The following GARRE1 variants were observed in gnomAD, a reference collection of about 807,000 sequenced individuals.
GARRE1 encodes granule associated Rac and RHOG effector 1, also known as granule associated Rac and RHOG effector protein 1.
GARRE1 carries 49 observed loss-of-function variants against 103.2 expected under a neutral mutation model. The ratio of observed to expected loss-of-function variants is 0.47; its 90% CI spans 0.38 to 0.60. The LOEUF (loss-of-function observed/expected upper bound fraction) is 0.60, where lower values mean the gene tolerates loss of function less well. Among genes scored for constraint, GARRE1 ranks in the 20% least tolerant of loss-of-function variants. The probability of loss-of-function intolerance (pLI) is 0.00; values close to 1 mark genes in which losing one functional copy is unlikely to be tolerated. For synonymous variants in GARRE1, 505 were observed against 532.8 expected, an observed-to-expected ratio of 0.95 and a Z score of 0.72; for missense variants, 1,199 against 1,370.5, an observed-to-expected ratio of 0.87 and a Z score of 1.98.
At chr19:34,298,477 C>T (rs943369687) in intron 1 of GARRE1, among the ~76,000 whole-genome samples, 2 of 151,050 alleles carry the variant, frequency 1.3e-5, no homozygotes, top group Non-Finnish European at 2.9e-5. Context: ...CTTTGGGAGG[C>T]CGAGACGGGT....
intron 1 of GARRE1, among the ~76,000 whole-genome samples, chr19:34,255,178 C>T (rs906972152): frequency 5.1e-5 from 3 of 59,106 alleles, no homozygotes; most frequent in African/African-American, 2.3e-4. Context: ...CGCATTGGGC[C>T]CGAGGGGAGG....
chr19:34,345,887 C>T (rs2074208557), intron 10 of GARRE1, among the ~76,000 whole-genome samples: 1 of 152,218 alleles, frequency 6.6e-6, no homozygotes, highest in South Asian at 2.1e-4. Context: ...GTCCTGGATA[C>T]CTCTTCTGTC....
At chr19:34,288,631 TGGTGGCCTTTGAC>T (rs964699752) in intron 1 of GARRE1, among the ~76,000 whole-genome samples, 1 of 152,242 alleles carries the variant, frequency 6.6e-6, no homozygotes, top group African/African-American at 2.4e-5. Flanking sequence ...TGGCCTTTGA[TGGTGGCCTTTGAC>T]ATGCAACCAC....
chr19:34,309,946 G>T (rs531674701), intron 2 of GARRE1, among the ~76,000 whole-genome samples: 92 of 152,254 alleles, frequency 6.0e-4, no homozygotes, highest in African/African-American at 2.2e-3. Flanking sequence ...GAGAAAATGG[G>T]AACAGAGAAA....
At chr19:34,272,285 C>T (rs2073792563) in intron 1 of GARRE1, among the ~76,000 whole-genome samples, 1 of 152,128 alleles carries the variant, frequency 6.6e-6, no homozygotes, top group Admixed American at 6.5e-5. Flanking sequence ...GCAATCTTGG[C>T]TCACTGCAAC....
chr19:34,352,624 A>G (rs2074244670), intron 13 of GARRE1, 23 bp from the exon 14 acceptor site: 1 of 1,592,536 alleles, frequency 6.3e-7, no homozygotes, highest in Middle Eastern at 1.7e-4. Flanking sequence ...AAATGCCACT[A>G]AGAACTCTCT....
In GARRE1 at chr19:34,341,442, T is replaced by C; in HGVS notation, c.1508T>C (p.Ile503Thr). The C allele has an allele frequency of 6.2e-7, 1 of 1,613,852 alleles. No individual in the cohort carries two copies. Among genetic ancestry groups the C allele is most frequent in the African/African-American group, 1.3e-5 (1 of 74,976 alleles). Residue 503 changes from isoleucine to threonine, a missense_variant, in exon 10 of 14, where the codon ATA becomes ACA. Transcript: ENST00000299505. ...AATAGGGAGCAAGCTTTACCCTGCATACAGATCCAGCTGCAAAGGGAGATC... is the reference window on the plus strand; with the variant it reads ...AATAGGGAGCAAGCTTTACCCTGCACACAGATCCAGCTGCAAAGGGAGATC... ...RAGREQALPCIQIQLQREICD... is the reference protein window; with the variant it reads ...RAGREQALPCTQIQLQREICD...
In GARRE1 at chr19:34,341,809, C is replaced by T. The variant is rs1421810171; in HGVS notation, c.1875C>T (p.Asn625=). 6.2e-7 allele frequency: 1 copy of T among 1,614,186 alleles called. No individual in the cohort carries two copies. The highest frequency in any genetic ancestry group is 8.5e-7 in the Non-Finnish European group (1 of 1,180,040). Residue 625 remains asparagine, a synonymous_variant, in exon 10 of 14, where the codon AAC becomes AAT. Transcript: ENST00000299505. ...GCTTTCTCATGGAGAGGCGTGAGAA[C>T]TTCCTGCATGGAGATGACGGCAAGG... ...ANGFLMERRE[N]FLHGDDGKDE... is the part of the protein sequence containing the mutation.
In GARRE1 at chr19:34,300,801, T is replaced by C. The variant is rs980676510; in HGVS notation, c.328T>C (p.Tyr110His). Reference protein sequence around the residue: ...LFSTVFRNSHYSKAATQLKDV... With the variant: ...LFSTVFRNSHHSKAATQLKDV... ...CAGCACTGTGTTCAGGAACTCTCAC[T>C]ACTCAAAGGCAGCCACACAGCTCAA... Residue 110 changes from tyrosine (Y) to histidine (H), a missense_variant, in exon 2 of 14, where the codon TAC becomes CAC. Coordinates refer to ENST00000299505, the MANE Select transcript of GARRE1 (RefSeq NM_014686.5). 1 of 1,614,220 alleles carries C rather than the reference T, an allele frequency of 6.2e-7. No homozygotes were observed. The highest frequency in any genetic ancestry group is 8.5e-7 in the Non-Finnish European group (1 of 1,180,038).
At chr19:34,286,346 A>C (rs1396367459) in intron 1 of GARRE1, among the ~76,000 whole-genome samples, 1 of 151,630 alleles carries the variant, frequency 6.6e-6, no homozygotes, top group African/African-American at 2.4e-5. Flanking sequence ...CAGTCTCCCG[A>C]GTAGCTGGGA....
rs773874669 is a variant in GARRE1, at chr19:34,327,570, T to C, written c.846+9T>C. On this transcript the variant is annotated intron_variant, in intron 4 of 13. Coordinates refer to ENST00000299505, the MANE Select transcript of GARRE1 (RefSeq NM_014686.5). ...TCGACAGTGCTTTGCAAGTAAGTTT[T>C]TCAGAACTGACATACTGATTTCCAC... 3.1e-6 allele frequency: 5 copies of C among 1,613,222 alleles called. No homozygotes were observed. The Admixed American group carries it at 8.3e-5, about 27-fold the overall frequency.
intron 1 of GARRE1, among the ~76,000 whole-genome samples, chr19:34,287,233 A>G (rs1599756613): frequency 6.6e-6 from 1 of 152,182 alleles, no homozygotes; most frequent in East Asian, 1.9e-4. Context: ...TTAAATAGTC[A>G]TTCCAGGAAG....
chr19:34,293,134 G>T (rs565296518), intron 1 of GARRE1, among the ~76,000 whole-genome samples: 1 of 152,336 alleles, frequency 6.6e-6, no homozygotes, highest in African/African-American at 2.4e-5. Flanking sequence ...AAACTAAACA[G>T]TGAAGAGATT....
At chr19:34,351,398 C>T in intron 12 of GARRE1, 116 bp from the exon 13 acceptor site, 3 of 799,134 alleles carry the variant, frequency 3.8e-6, no homozygotes, top group Non-Finnish European at 6.5e-6. Context: ...AGGCAGGCCT[C>T]CTCCCCTCCT....
At chr19:34,256,908 A>C (rs2073676687) in intron 1 of GARRE1, among the ~76,000 whole-genome samples, 1 of 152,142 alleles carries the variant, frequency 6.6e-6, no homozygotes, top group Non-Finnish European at 1.5e-5. Flanking sequence ...TTTAAAGCAA[A>C]AAGTTTAGTT....
At chr19:34,292,530 A>G (rs1568532043) in intron 1 of GARRE1, among the ~76,000 whole-genome samples, 1 of 152,164 alleles carries the variant, frequency 6.6e-6, no homozygotes. Flanking sequence ...CACTATATTT[A>G]GCATTTTGAG....
chr19:34,278,180 A>T (rs918311370), intron 1 of GARRE1, among the ~76,000 whole-genome samples: 1 of 152,022 alleles, frequency 6.6e-6, no homozygotes, highest in Non-Finnish European at 1.5e-5. Flanking sequence ...ATGGTGGCTC[A>T]TGCCTGTAAA....
chr19:34,278,586 A>G (rs905457208), intron 1 of GARRE1, among the ~76,000 whole-genome samples: 1 of 152,074 alleles, frequency 6.6e-6, no homozygotes, highest in Non-Finnish European at 1.5e-5. Context: ...TATATATGGA[A>G]TCACACAGTA....
Position 34,353,230 on chromosome 19 carries a change from G to A in GARRE1, c.*275G>A, listed in dbSNP as rs554161366. On this transcript the variant is annotated 3_prime_UTR_variant, in exon 14 of 14. Coordinates refer to ENST00000299505, the MANE Select transcript of GARRE1 (RefSeq NM_014686.5). The stretch of plus-strand genomic sequence containing the variant: ...TAGGGAACCTGCATGCCTAGTAAGC[G>A]CCACAGGTGACTCTGATGCAGGCGC... The A allele has an allele frequency of 3.9e-5, 18 of 459,282 alleles. No homozygotes were observed. The highest frequency in any genetic ancestry group is 1.7e-4 in the African/African-American group (9 of 51,500). The allele number at this position is 459,282 out of a possible 1,614,324, so 28.5% of individuals were successfully genotyped here.
Sources: gnomAD v4.1 joint callset for allele counts (sites outside exome capture counted in the v4.1 genomes callset) on GRCh38, gnomAD v4.1.1 for gene constraint, MANE v1.5 for transcripts, NCBI Gene and HGNC (gene_info 2026-07-23, HGNC 2026-07-21) for gene names.